PAX3: variants seen among roughly 807,000 people sequenced by gnomAD.
The protein encoded by PAX3 is paired box 3, also known as paired box protein Pax-3.
A neutral mutation model predicts 51.6 loss-of-function variants in PAX3; 14 were observed. That is an observed-to-expected ratio of 0.27 (90% CI 0.18 to 0.42). The LOEUF is 0.42. Ranked by LOEUF, PAX3 falls within the 10% of genes least tolerant of loss-of-function variation. The pLI is 1.00. For synonymous variants in PAX3, 280 were observed against 253.4 expected, an observed-to-expected ratio of 1.11 and a Z score of -1.00; for missense variants, 540 against 642.8, an observed-to-expected ratio of 0.84 and a Z score of 1.73.
chr2:222,280,377 A>C (rs1165982937), intron 4 of PAX3, among the ~76,000 whole-genome samples: 1 of 120,426 alleles, frequency 8.3e-6, no homozygotes, highest in Non-Finnish European at 1.9e-5. Context: ...AATAAAGGGG[A>C]AGGAAGGAAG....
intron 7 of PAX3, among the ~76,000 whole-genome samples, chr2:222,206,119 G>C (rs1322710567): frequency 6.6e-6 from 1 of 150,390 alleles, no homozygotes; most frequent in African/African-American, 2.4e-5. Flanking sequence ...TTCTACTACA[G>C]GGCTGGCATT....
rs761884032 is a variant in PAX3, at chr2:222,232,078, C to T, written c.792G>A (p.Gln264=). The T allele has an allele frequency of 6.2e-7, 1 of 1,613,628 alleles. No individual in the cohort carries two copies. Among genetic ancestry groups the T allele is most frequent in the South Asian group, 1.1e-5 (1 of 91,068 alleles). ...QRAKLTEARV[Q]VWFSNRRARW... ...GACACGGAGGTTTGGGCAACAGTAC[C>T]TGTACTCGGGCCTCGGTGAGCTTCG... Residue 264 remains glutamine (Q), a splice_region_variant and synonymous_variant, in exon 5 of 9, where the codon CAG becomes CAA. Coordinates refer to ENST00000392070, the MANE Select transcript of PAX3 (RefSeq NM_181458.4).
chr2:222,215,077 G>A (rs1041931317), intron 7 of PAX3, among the ~76,000 whole-genome samples: 18 of 152,014 alleles, frequency 1.2e-4, no homozygotes, highest in Non-Finnish European at 4.4e-5. Context: ...TGGGCTCTGA[G>A]GTTGCAAACA....
intron 4 of PAX3, among the ~76,000 whole-genome samples, chr2:222,265,379 T>G (rs1016987096): frequency 5.9e-5 from 9 of 152,200 alleles, no homozygotes; most frequent in African/African-American, 1.9e-4. Context: ...GCAAGATTTT[T>G]CTTCTCAGCC....
intron 5 of PAX3, 47 bp from the exon 6 acceptor site, chr2:222,221,434 G>A (rs1411521002): frequency 6.6e-7 from 1 of 1,522,108 alleles, no homozygotes; most frequent in Admixed American, 1.7e-5. Context: ...TGAAATAATA[G>A]TACATTCTTA....
At chr2:222,272,329 G>A (rs1200583420) in intron 4 of PAX3, among the ~76,000 whole-genome samples, 1 of 152,176 alleles carries the variant, frequency 6.6e-6, no homozygotes, top group Non-Finnish European at 1.5e-5. Flanking sequence ...TGGAGTAAGT[G>A]TTATGTCAAC....
chr2:222,297,663 TG>T (rs1480253262), intron 1 of PAX3, among the ~76,000 whole-genome samples: 1 of 152,158 alleles, frequency 6.6e-6, no homozygotes. Flanking sequence ...TGATAGCCCT[TG>T]GGGTTTCTAG....
intron 5 of PAX3, chr2:222,221,649 A>C: frequency 2.3e-6 from 1 of 437,202 alleles, no homozygotes; most frequent in Non-Finnish European, 4.3e-6. Flanking sequence ...CATGGGCAGG[A>C]ATCACTGAGC....
chr2:222,295,640 G>C lies in PAX3; in HGVS notation c.339C>G (p.Asp113Glu), dbSNP rs367576138. The change falls in exon 3 of 9, where the codon GAC becomes GAG. Residue 113 changes from aspartate to glutamate, a missense_variant. Asp to Glu is a conservative substitution (Grantham distance 45). Transcript: ENST00000392070. ...GSKPKQVTTP[D>E]VEKKIEEYKR... is the part of the protein sequence containing the mutation. ...TGTATTCCTCAATTTTCTTCTCCACGTCAGGCGTTGTCACCTGCTTTAAGA... is the reference window on the plus strand; with the variant it reads ...TGTATTCCTCAATTTTCTTCTCCACCTCAGGCGTTGTCACCTGCTTTAAGA... 10 of 1,613,996 alleles carry C rather than the reference G, an allele frequency of 6.2e-6. No individual in the cohort carries two copies. The highest frequency in any genetic ancestry group is 8.5e-6 in the Non-Finnish European group (10 of 1,180,032).
chr2:222,227,052 C>T lies in PAX3; in HGVS notation c.792+5026G>A, dbSNP rs574509749. On this transcript the variant is annotated intron_variant, in intron 5 of 8. Coordinates refer to ENST00000392070, the MANE Select transcript of PAX3 (RefSeq NM_181458.4). ...TGAGATCATGTGATCTAACCAACCC[C>T]ATATTTTTTTAAATTAAAAAAATTA... Among the ~76,000 whole-genome samples, 8 of 152,106 alleles carry T rather than the reference C, an allele frequency of 5.3e-5. No individual in the cohort carries two copies. The South Asian group carries it at 1.5e-3, about 28-fold the overall frequency.
chr2:222,245,695 C>T (rs939159403), intron 4 of PAX3, among the ~76,000 whole-genome samples: 4 of 151,790 alleles, frequency 2.6e-5, no homozygotes, highest in Non-Finnish European at 5.9e-5. Flanking sequence ...AGAGGCCAGG[C>T]ACTGTGGCTC....
At chr2:222,220,397 C>A in intron 6 of PAX3, 43 bp from the exon 7 acceptor site, 1 of 1,594,204 alleles carries the variant, frequency 6.3e-7, no homozygotes, top group Non-Finnish European at 8.6e-7. Context: ...TTCTTTTAGG[C>A]CAGCAGAGAA....
chr2:222,202,251 C>A (rs1691326639), intron 7 of PAX3, 61 bp from the exon 8 acceptor site: 9 of 1,227,748 alleles, frequency 7.3e-6, no homozygotes, highest in African/African-American at 1.5e-5. Flanking sequence ...TTGCAGCCTA[C>A]AGCTGAAAGA....
intron 4 of PAX3, among the ~76,000 whole-genome samples, chr2:222,247,258 C>T (rs1342711934): frequency 6.6e-6 from 1 of 152,138 alleles, no homozygotes; most frequent in Non-Finnish European, 1.5e-5. Flanking sequence ...GTGTGAATGG[C>T]TGAGTTTAAG....
chr2:222,294,998 A>G (rs1271115085), intron 3 of PAX3, among the ~76,000 whole-genome samples: 1 of 151,954 alleles, frequency 6.6e-6, no homozygotes, highest in Non-Finnish European at 1.5e-5. Context: ...AATTAAAAAC[A>G]AACCCTCCCG....
intron 4 of PAX3, among the ~76,000 whole-genome samples, chr2:222,234,730 G>A (rs1321702205): frequency 1.3e-5 from 2 of 152,104 alleles, no homozygotes; most frequent in Non-Finnish European, 2.9e-5. Flanking sequence ...ATTAATTCTT[G>A]TCACTCTCAA....
intron 5 of PAX3, chr2:222,221,656 G>A (rs977713734): frequency 6.6e-5 from 28 of 426,116 alleles, no homozygotes; most frequent in Non-Finnish European, 1.2e-4. Context: ...AGGAATCACT[G>A]AGCAGGAGTA....
At chr2:222,254,847 A>C (rs1000383823) in intron 4 of PAX3, among the ~76,000 whole-genome samples, 1 of 152,076 alleles carries the variant, frequency 6.6e-6, no homozygotes, top group Non-Finnish European at 1.5e-5. Context: ...CAGTGGCATG[A>C]TCTCATCTCA....
intron 5 of PAX3, among the ~76,000 whole-genome samples, chr2:222,230,812 A>G: frequency 7.1e-6 from 1 of 140,950 alleles, no homozygotes; most frequent in East Asian, 2.1e-4. Context: ...CTGAGGTTGT[A>G]CCACTGCACT....
Sources: gnomAD v4.1 joint callset for allele counts (sites outside exome capture counted in the v4.1 genomes callset) on GRCh38, gnomAD v4.1.1 for gene constraint, MANE v1.5 for transcripts, NCBI Gene and HGNC (gene_info 2026-07-23, HGNC 2026-07-21) for gene names.